ACVR1: variants seen among roughly 807,000 people sequenced by gnomAD.
The protein encoded by ACVR1 is activin receptor type-1.
ACVR1 carries 38 observed loss-of-function variants against 57.1 expected under a neutral mutation model. The observed-to-expected ratio is 0.67, with a 90% confidence interval of 0.51 to 0.87. The LOEUF (loss-of-function observed/expected upper bound fraction) is 0.87, where lower values mean the gene tolerates loss of function less well. Among genes scored for constraint, ACVR1 ranks in the 40% least tolerant of loss-of-function variants. ACVR1 has a pLI of 0.00. For missense variants in ACVR1, 463 were observed against 638.2 expected, an observed-to-expected ratio of 0.73 and a Z score of 2.96; for synonymous variants, 212 against 228.1, an observed-to-expected ratio of 0.93 and a Z score of 0.63.
chr2:157,833,996 C>T (rs1195510925), intron 1 of ACVR1, among the ~76,000 whole-genome samples: 3 of 152,198 alleles, frequency 2.0e-5, no homozygotes, highest in South Asian at 2.1e-4. Context: ...CAAATTTAGA[C>T]TGGTTTAACA....
At chr2:157,828,573 C>T (rs1688474455) in intron 1 of ACVR1, among the ~76,000 whole-genome samples, 1 of 151,916 alleles carries the variant, frequency 6.6e-6, no homozygotes, top group African/African-American at 2.4e-5. Flanking sequence ...GAGATCATGT[C>T]ACTGCGCTCC....
chr2:157,831,533 A>C (rs1223810408), intron 1 of ACVR1, among the ~76,000 whole-genome samples: 1 of 152,264 alleles, frequency 6.6e-6, no homozygotes, highest in Non-Finnish European at 1.5e-5. Context: ...CTTAGAAAAC[A>C]ATTTTAAATC....
intron 1 of ACVR1, among the ~76,000 whole-genome samples, chr2:157,849,285 G>A (rs980206592): frequency 6.6e-5 from 10 of 152,250 alleles, no homozygotes; most frequent in Non-Finnish European, 1.0e-4. Flanking sequence ...CAAACAGTTC[G>A]TTGGACAAGC....
chr2:157,873,572 G>A (rs1235255215), intron 1 of ACVR1, among the ~76,000 whole-genome samples: 1 of 152,140 alleles, frequency 6.6e-6, no homozygotes, highest in Non-Finnish European at 1.5e-5. Context: ...CCCAGCCCCA[G>A]CATTGATTCC....
At chr2:157,863,767 C>T (rs1034479074) in intron 1 of ACVR1, among the ~76,000 whole-genome samples, 2 of 151,378 alleles carry the variant, frequency 1.3e-5, no homozygotes, top group African/African-American at 4.9e-5. Flanking sequence ...ACTAAGGGCT[C>T]AAAAATTTTC....
chr2:157,868,172 T>C (rs1161706644), intron 1 of ACVR1, among the ~76,000 whole-genome samples: 1 of 152,100 alleles, frequency 6.6e-6, no homozygotes, highest in Non-Finnish European at 1.5e-5. Flanking sequence ...GGACACATAG[T>C]CTGAGACTAG....
At chr2:157,809,911 C>T (rs1687693394) in intron 2 of ACVR1, among the ~76,000 whole-genome samples, 2 of 151,790 alleles carry the variant, frequency 1.3e-5, no homozygotes, top group Non-Finnish European at 2.9e-5. Context: ...CCCATCTCTA[C>T]AAAAAATAAA....
chr2:157,770,502 T>A lies in ACVR1; in HGVS notation c.656A>T (p.Tyr219Phe), dbSNP rs1198591575. 6.2e-7 allele frequency: 1 copy of A among 1,614,034 alleles called. No individual in the cohort carries two copies. The highest frequency in any genetic ancestry group is 1.3e-5 in the African/African-American group (1 of 75,048). ...CCAGCTGCCCCTCCACACCTCACCATACCTGCCTTTCCCTATGAAAAGCAA... is the reference window on the plus strand; with the variant it reads ...CCAGCTGCCCCTCCACACCTCACCAAACCTGCCTTTCCCTATGAAAAGCAA... ...TLLECVGKGR[Y>F]GEVWRGSWQG... Residue 219 changes from tyrosine to phenylalanine, a missense_variant, in exon 7 of 11, where the codon TAT (tyrosine) becomes TTT (phenylalanine). Physicochemically the swap from Tyr to Phe is conservative, Grantham distance 22. This residue lies in a region of ACVR1 where 114 missense variants were observed against 216.2 expected (regional missense o/e 0.53). Transcript: ENST00000434821.
Position 157,759,454 on chromosome 2 carries a change from G to A in ACVR1, c.1264+1426C>T, listed in dbSNP as rs139542552. On this transcript the variant is annotated intron_variant, in intron 9 of 10. Coordinates refer to ENST00000434821, the MANE Select transcript of ACVR1 (RefSeq NM_001111067.4). ...AGACCATGAATAACAAGATGGAGTC[G>A]GTAATAAAAAGTATTCCCACAAAGA... Among the ~76,000 whole-genome samples the A allele has an allele frequency of 6.6e-3, 999 of 151,920 alleles. 8 individuals carry two copies. Among genetic ancestry groups the A allele is most frequent in the African/African-American group, 0.022 (905 of 41,494 alleles).
intron 1 of ACVR1, among the ~76,000 whole-genome samples, chr2:157,871,792 G>A (rs186930075): frequency 1.0e-3 from 154 of 152,310 alleles, no homozygotes; most frequent in African/African-American, 3.4e-3. Context: ...GGCAGAGGGT[G>A]TATTTGTGTT....
At chr2:157,758,922 A>T (rs1008117131) in intron 9 of ACVR1, among the ~76,000 whole-genome samples, 1 of 152,108 alleles carries the variant, frequency 6.6e-6, no homozygotes, top group East Asian at 1.9e-4. Flanking sequence ...ATTAAGAAGG[A>T]AATAAAAAAA....
chr2:157,759,321 C>T (rs1685553587), intron 9 of ACVR1, among the ~76,000 whole-genome samples: 1 of 151,704 alleles, frequency 6.6e-6, no homozygotes, highest in Non-Finnish European at 1.5e-5. Flanking sequence ...CAGCTGATAC[C>T]ACAAGAATAC....
rs1684549248 is a variant in ACVR1 at position 157,736,791 on chromosome 2, C to T, written c.*740G>A. The T allele has an allele frequency of 8.7e-6, 3 of 344,884 alleles. No individual in the cohort carries two copies. The highest frequency in any genetic ancestry group is 1.6e-5 in the Non-Finnish European group (3 of 188,216). 21.4% of individuals were successfully genotyped at this position (344,884 alleles called of 1,614,324 possible). On this transcript the variant is annotated 3_prime_UTR_variant, in exon 11 of 11. Coordinates refer to ENST00000434821, the MANE Select transcript of ACVR1 (RefSeq NM_001111067.4). Reference sequence around the variant, plus strand: ...CCATTTTAGAGTATAGTGTTAAAAACATTTCTGTAATAAAATCATAAGACC... The same window carrying T: ...CCATTTTAGAGTATAGTGTTAAAAATATTTCTGTAATAAAATCATAAGACC...
At chr2:157,771,902 AT>A (rs1686082923) in intron 6 of ACVR1, among the ~76,000 whole-genome samples, 1 of 152,190 alleles carries the variant, frequency 6.6e-6, no homozygotes, top group Non-Finnish European at 1.5e-5. Context: ...ATAGCTCAAG[AT>A]GAGGCCTAGT....
intron 9 of ACVR1, among the ~76,000 whole-genome samples, chr2:157,740,732 T>C (rs1183391833): frequency 6.6e-6 from 1 of 152,236 alleles, no homozygotes; most frequent in Non-Finnish European, 1.5e-5. Context: ...GATCTGGTGA[T>C]ACCAAACAAT....
At chr2:157,759,081 AG>A (rs35826652) in intron 9 of ACVR1, among the ~76,000 whole-genome samples, 1 of 152,188 alleles carries the variant, frequency 6.6e-6, no homozygotes, top group South Asian at 2.1e-4. Context: ...ATGGGCCTCA[AG>A]GAACTAGAAA....
intron 1 of ACVR1, among the ~76,000 whole-genome samples, chr2:157,861,105 C>G (rs1689702060): frequency 6.6e-6 from 1 of 152,224 alleles, no homozygotes; most frequent in South Asian, 2.1e-4. Context: ...TCAAGAACAT[C>G]AGTTCCCTGA....
chr2:157,851,160 A>G (rs1021121273), intron 1 of ACVR1, among the ~76,000 whole-genome samples: 3 of 152,146 alleles, frequency 2.0e-5, no homozygotes, highest in African/African-American at 7.2e-5. Flanking sequence ...AGCAAACGGA[A>G]AGTTAACTTA....
intron 1 of ACVR1, among the ~76,000 whole-genome samples, chr2:157,859,459 C>CT (rs1404274738): frequency 1.3e-5 from 2 of 152,162 alleles, no homozygotes; most frequent in Non-Finnish European, 2.9e-5. Flanking sequence ...GCCATTCTTC[C>CT]TTTACTTTCT....
Sources: allele counts gnomAD v4.1 joint callset (sites outside exome capture counted in the v4.1 genomes callset), GRCh38; gene constraint gnomAD v4.1.1; regional missense constraint gnomAD v4.1.1; transcripts MANE v1.5; gene names NCBI Gene and HGNC (gene_info 2026-07-23, HGNC 2026-07-21).